Variants in GTF2F2 observed in about 807,000 individuals in gnomAD.
GTF2F2 encodes the protein ATP-dependent helicase GTF2F2.
A neutral mutation model predicts 42.2 loss-of-function variants in GTF2F2; 23 were observed. That is an observed-to-expected ratio of 0.55 (90% CI 0.39 to 0.77). GTF2F2 has a LOEUF of 0.77. Ranked by LOEUF, GTF2F2 falls within the 30% of genes least tolerant of loss-of-function variation. The pLI, the probability that GTF2F2 is intolerant of heterozygous loss-of-function variation, is 0.00. For synonymous variants in GTF2F2, 105 were observed against 100.8 expected (o/e 1.04, Z -0.25); for missense variants, 261 against 287.2 (o/e 0.91, Z 0.66).
intron 5 of GTF2F2, among the ~76,000 whole-genome samples, chr13:45,225,725 TA>T (rs1259145322): frequency 2.6e-5 from 4 of 152,160 alleles, no homozygotes; most frequent in African/African-American, 9.7e-5. Flanking sequence ...AGTACTTCTT[TA>T]AAAATGAAAT....
chr13:45,229,072 A>G (rs113707281), intron 5 of GTF2F2, among the ~76,000 whole-genome samples: 9,085 of 152,168 alleles, frequency 0.06, 406 homozygotes, highest in East Asian at 0.24. Context: ...TAGTAGAGAC[A>G]GGGTTTCATC....
rs1232825230 is a variant in GTF2F2, at chr13:45,212,444, C to CT, written c.386+4941dup. ...GATTGATTTCTTTCTTTCTTTCTTT[C>CT]TTGTTTCTTTCTTTCTTTCTTTCTT... On this transcript the variant is annotated intron_variant, in intron 5 of 7. Coordinates refer to ENST00000340473, the MANE Select transcript of GTF2F2 (RefSeq NM_004128.3). 3.1e-3 allele frequency among the ~76,000 whole-genome samples: 223 copies of CT among 72,572 alleles called. 1 individual carries two copies. Among genetic ancestry groups the CT allele is most frequent in the East Asian group, 0.013 (25 of 1,886 alleles). 47.6% of individuals were successfully genotyped at this position (72,572 alleles called of 152,430 possible). A position where few individuals can be genotyped will look rare whatever the true frequency, so the allele number is the denominator to read the frequency against.
At chr13:45,249,285 T>C (rs1393159247) in intron 5 of GTF2F2, among the ~76,000 whole-genome samples, 1 of 152,240 alleles carries the variant, frequency 6.6e-6, no homozygotes, top group Non-Finnish European at 1.5e-5. Context: ...CTTTTTAGTT[T>C]TGAATCATAA....
In GTF2F2 at chr13:45,284,164, G is replaced by A. The variant is rs2138284568; in HGVS notation, c.*603G>A. On this transcript the variant is annotated 3_prime_UTR_variant, in exon 8 of 8. Coordinates refer to ENST00000340473, the MANE Select transcript of GTF2F2 (RefSeq NM_004128.3). Reference sequence around the variant, plus strand: ...GTGATGCTGAGATGAGAAATGTGCAGGATCATGGTCAGTTGATGTTTCTTT... The same window carrying A: ...GTGATGCTGAGATGAGAAATGTGCAAGATCATGGTCAGTTGATGTTTCTTT... 2 of 152,204 alleles carry A rather than the reference G, an allele frequency of 1.3e-5. No homozygotes were observed. The highest frequency in any genetic ancestry group is 4.1e-4 in the South Asian group (2 of 4,824). The allele number at this position is 152,204 out of a possible 1,614,324, so 9.4% of individuals were successfully genotyped here. A position where few individuals can be genotyped will look rare whatever the true frequency, so the allele number is the denominator to read the frequency against.
intron 4 of GTF2F2, among the ~76,000 whole-genome samples, chr13:45,160,492 G>T (rs992856169): frequency 6.6e-5 from 10 of 152,124 alleles, no homozygotes; most frequent in African/African-American, 2.2e-4. Flanking sequence ...CTTGTATTTG[G>T]AATGAATCTC....
chr13:45,241,184 A>AATATAT (rs71697631), intron 5 of GTF2F2, among the ~76,000 whole-genome samples: 36 of 143,886 alleles, frequency 2.5e-4, no homozygotes, highest in African/African-American at 5.3e-4. Flanking sequence ...ATAAATATAA[A>AATATAT]ATATATATAT....
intron 7 of GTF2F2, among the ~76,000 whole-genome samples, chr13:45,276,707 C>T (rs1374993570): frequency 1.3e-5 from 2 of 152,172 alleles, no homozygotes; most frequent in African/African-American, 2.4e-5. Context: ...TCCCAAAGTG[C>T]TGGGATTACA....
intron 5 of GTF2F2, among the ~76,000 whole-genome samples, chr13:45,234,937 C>T (rs1304201981): frequency 7.0e-6 from 1 of 143,794 alleles, no homozygotes; most frequent in African/African-American, 2.6e-5. Context: ...CCCAGCTATT[C>T]GGGAGGCCGA....
chr13:45,123,073 C>G (rs888483927), intron 1 of GTF2F2: 4 of 151,896 alleles, frequency 2.6e-5, no homozygotes, highest in African/African-American at 9.7e-5. Context: ...GAGTGACATC[C>G]TGTCTCAAAA....
intron 6 of GTF2F2, among the ~76,000 whole-genome samples, chr13:45,254,425 A>G (rs1876013316): frequency 6.6e-6 from 1 of 152,208 alleles, no homozygotes; most frequent in Admixed American, 6.5e-5. Context: ...TCTTATATGT[A>G]CTATATGTAT....
chr13:45,213,287 G>A (rs9595264), intron 5 of GTF2F2, among the ~76,000 whole-genome samples: 2,473 of 152,074 alleles, frequency 0.016, 34 homozygotes, highest in African/African-American at 0.041. Flanking sequence ...CACTGTGTTA[G>A]CCAGGATGAT....
At chr13:45,274,623 C>A (rs1284600450) in intron 7 of GTF2F2, among the ~76,000 whole-genome samples, 2 of 152,088 alleles carry the variant, frequency 1.3e-5, no homozygotes, top group African/African-American at 4.8e-5. Context: ...GCCACCACGC[C>A]CGACCAAATT....
At chr13:45,134,752 G>T (rs1869529420) in intron 1 of GTF2F2, among the ~76,000 whole-genome samples, 1 of 152,122 alleles carries the variant, frequency 6.6e-6, no homozygotes, top group Non-Finnish European at 1.5e-5. Context: ...AGGTAGTATG[G>T]TCTAGTGAAG....
intron 4 of GTF2F2, among the ~76,000 whole-genome samples, chr13:45,189,253 A>G (rs918797006): frequency 1.3e-5 from 2 of 152,096 alleles, no homozygotes; most frequent in African/African-American, 4.8e-5. Context: ...TTTTGGCTGC[A>G]TAATATTCCA....
At chr13:45,206,005 T>C (rs796077285) in intron 4 of GTF2F2, among the ~76,000 whole-genome samples, 3 of 152,316 alleles carry the variant, frequency 2.0e-5, no homozygotes, top group African/African-American at 7.2e-5. Context: ...TTAAGAAAAT[T>C]CAAATTTTAA....
chr13:45,177,381 A>C (rs1232380783), intron 4 of GTF2F2, among the ~76,000 whole-genome samples: 1 of 152,148 alleles, frequency 6.6e-6, no homozygotes, highest in Non-Finnish European at 1.5e-5. Context: ...TGAGGTCCAA[A>C]AAATATTAAA....
intron 5 of GTF2F2, among the ~76,000 whole-genome samples, chr13:45,230,058 A>G (rs1160489405): frequency 1.3e-5 from 2 of 152,004 alleles, no homozygotes; most frequent in African/African-American, 4.8e-5. Context: ...TCTACTAAAA[A>G]TAGAAAAATT....
intron 7 of GTF2F2, among the ~76,000 whole-genome samples, chr13:45,279,918 G>A (rs1016823580): frequency 4.3e-5 from 5 of 116,874 alleles, no homozygotes; most frequent in African/African-American, 1.3e-4. Flanking sequence ...CCGTCCCCCC[G>A]CCCCCCCCAA....
chr13:45,231,787 C>A (rs914327181), intron 5 of GTF2F2, among the ~76,000 whole-genome samples: 1 of 152,146 alleles, frequency 6.6e-6, no homozygotes, highest in African/African-American at 2.4e-5. Flanking sequence ...CTCTGAATCC[C>A]AGCTCACATT....
Sources: allele counts gnomAD v4.1 joint callset (sites outside exome capture counted in the v4.1 genomes callset), GRCh38; gene constraint gnomAD v4.1.1; transcripts MANE v1.5; gene names NCBI Gene and HGNC (gene_info 2026-07-23, HGNC 2026-07-21).